DCDC1: variants seen among roughly 807,000 people sequenced by gnomAD.
The protein encoded by DCDC1 is doublecortin domain containing 1.
Under a neutral mutation model 178.3 loss-of-function variants are expected in DCDC1, and 200 were observed. The ratio of observed to expected loss-of-function variants is 1.12; its 90% CI spans 1.00 to 1.26. The LOEUF (loss-of-function observed/expected upper bound fraction) is 1.26, where lower values mean the gene tolerates loss of function less well. Among genes scored for constraint, DCDC1 ranks in the 50% most tolerant of loss-of-function variants. The pLI is 0.00. For synonymous variants in DCDC1, 690 were observed against 604.8 expected (o/e 1.14, Z -2.07); for missense variants, 1,983 against 1,749.2 (o/e 1.13, Z -2.38).
chr11:31,120,339 G>GT (rs1450544244), intron 11 of DCDC1, among the ~76,000 whole-genome samples: 3 of 152,082 alleles, frequency 2.0e-5, no homozygotes. Context: ...CATGGTCAGA[G>GT]TGGATTTAAG....
At chr11:31,165,549 G>C (rs748461060) in intron 9 of DCDC1, among the ~76,000 whole-genome samples, 1 of 152,152 alleles carries the variant, frequency 6.6e-6, no homozygotes, top group East Asian at 1.9e-4. Flanking sequence ...AGCCTCAAGC[G>C]ACCCTCCCAC....
intron 1 of DCDC1, among the ~76,000 whole-genome samples, chr11:31,363,496 C>T (rs1951808168): frequency 6.6e-6 from 1 of 152,096 alleles, no homozygotes; most frequent in Admixed American, 6.6e-5. Context: ...TTAATAAAGT[C>T]AAACTTCTAT....
intron 38 of DCDC1, among the ~76,000 whole-genome samples, chr11:30,868,880 T>G (rs1205259302): frequency 1.3e-5 from 2 of 152,228 alleles, no homozygotes; most frequent in Non-Finnish European, 2.9e-5. Context: ...ACTTTGTGAT[T>G]TATGGAATGA....
At chr11:30,894,627 A>G (rs1460780705) in intron 34 of DCDC1, among the ~76,000 whole-genome samples, 1 of 152,196 alleles carries the variant, frequency 6.6e-6, no homozygotes, top group Non-Finnish European at 1.5e-5. Flanking sequence ...GACGAAGATA[A>G]CATGCTGATT....
In DCDC1 at chr11:31,091,442, C is replaced by G. The variant is rs1238381006; in HGVS notation, c.2188G>C (p.Ala730Pro). ...LAIGHPIRVKAAEGTSLEGYK... is the reference protein window; with the variant it reads ...LAIGHPIRVKPAEGTSLEGYK... The stretch of plus-strand genomic sequence containing the variant: ...CCTTCTAGTGATGTTCCCTCAGCAG[C>G]CTTGACTCTGATAGGATGACCAATA... Residue 730 changes from alanine to proline, a missense_variant, in exon 17 of 39, where the codon GCT (alanine) becomes CCT (proline). Ala to Pro is a conservative substitution (Grantham distance 27). Transcript: ENST00000684477. 2 of 761,888 alleles carry G rather than the reference C, an allele frequency of 2.6e-6. No homozygotes were observed. The highest frequency in any genetic ancestry group is 4.8e-6 in the Non-Finnish European group (2 of 415,800). The allele number at this position is 761,888 out of a possible 1,614,324, so 47.2% of individuals were successfully genotyped here.
intron 20 of DCDC1, among the ~76,000 whole-genome samples, chr11:30,980,105 G>GATA (rs1333165370): frequency 9.9e-5 from 15 of 152,120 alleles, no homozygotes; most frequent in African/African-American, 3.6e-4. Flanking sequence ...ATTTCTACTA[G>GATA]GCTGTAATCT....
intron 20 of DCDC1, among the ~76,000 whole-genome samples, chr11:31,013,980 C>A (rs1400847432): frequency 6.6e-6 from 1 of 152,182 alleles, no homozygotes; most frequent in African/African-American, 2.4e-5. Flanking sequence ...AAGATCCCTG[C>A]CTCCTGGCAT....
chr11:30,911,591 TAG>T (rs1382212310), intron 27 of DCDC1, among the ~76,000 whole-genome samples, 171 bp from the exon 28 acceptor site: 4 of 152,296 alleles, frequency 2.6e-5, no homozygotes, highest in East Asian at 1.9e-4. Flanking sequence ...GCTTTCTCAG[TAG>T]AGAGTGCTGG....
intron 20 of DCDC1, among the ~76,000 whole-genome samples, chr11:31,014,673 T>C (rs1419354374): frequency 6.6e-6 from 1 of 152,188 alleles, no homozygotes; most frequent in Non-Finnish European, 1.5e-5. Flanking sequence ...ATGCCAGCCA[T>C]TTTTATTCCA....
At chr11:30,914,452 T>C (rs1945676982) in intron 27 of DCDC1, among the ~76,000 whole-genome samples, 2 of 152,110 alleles carry the variant, frequency 1.3e-5, no homozygotes, top group African/African-American at 4.8e-5. Flanking sequence ...CTCAGCTCTT[T>C]CCCAGAAAAA....
At chr11:30,973,291 T>A (rs1295004377) in intron 20 of DCDC1, among the ~76,000 whole-genome samples, 14 of 110,096 alleles carry the variant, frequency 1.3e-4, no homozygotes, top group Non-Finnish European at 1.8e-4. Context: ...AAAAAAAAAA[T>A]GTAGCATCTC....
At chr11:30,876,815 A>G (rs1376760922) in intron 38 of DCDC1, among the ~76,000 whole-genome samples, 2 of 152,146 alleles carry the variant, frequency 1.3e-5, no homozygotes, top group Admixed American at 6.6e-5. Flanking sequence ...AAAATTGTCT[A>G]TAGAAGGATT....
chr11:30,914,141 A>C (rs954683313), intron 27 of DCDC1, among the ~76,000 whole-genome samples: 4 of 152,242 alleles, frequency 2.6e-5, no homozygotes, highest in Admixed American at 6.5e-5. Context: ...AACCATTCAC[A>C]GAAACAAAAG....
chr11:31,184,577 A>G (rs1403560235), intron 9 of DCDC1, among the ~76,000 whole-genome samples: 1 of 151,698 alleles, frequency 6.6e-6, no homozygotes, highest in Non-Finnish European at 1.5e-5. Flanking sequence ...AATTTACAAG[A>G]AAAAAAACAA....
At chr11:31,362,392 T>A (rs1004931360) in intron 1 of DCDC1, among the ~76,000 whole-genome samples, 1 of 152,212 alleles carries the variant, frequency 6.6e-6, no homozygotes, top group African/African-American at 2.4e-5. Context: ...TGTATCTGAC[T>A]GCCTTTCTCT....
chr11:31,217,137 A>C (rs760073289), intron 9 of DCDC1, among the ~76,000 whole-genome samples: 1 of 152,086 alleles, frequency 6.6e-6, no homozygotes, highest in Non-Finnish European at 1.5e-5. Flanking sequence ...AAAGGGAGGT[A>C]AGAGGCACAC....
At chr11:31,205,805 T>C (rs995360098) in intron 9 of DCDC1, among the ~76,000 whole-genome samples, 1 of 152,196 alleles carries the variant, frequency 6.6e-6, no homozygotes, top group African/African-American at 2.4e-5. Context: ...ATTTTCAATA[T>C]AAGTATGTCC....
intron 1 of DCDC1, among the ~76,000 whole-genome samples, chr11:31,362,483 C>T (rs1049811832): frequency 2.6e-5 from 4 of 152,184 alleles, no homozygotes; most frequent in Non-Finnish European, 4.4e-5. Context: ...TTAATATTCA[C>T]CACCTCTCAT....
Position 31,078,703 on chromosome 11 carries a change from A to G in DCDC1, c.2238-778T>C, listed in dbSNP as rs551914790. On this transcript the variant is annotated intron_variant, in intron 17 of 38. Coordinates refer to ENST00000684477, the MANE Select transcript of DCDC1 (RefSeq NM_001387274.1). ...ACACATTAGTCTTTAGCCTACATCC[A>G]GTTATGTAAAAGAATATGAAGAATT... Among the ~76,000 whole-genome samples, 82 of 152,188 alleles carry G rather than the reference A, an allele frequency of 5.4e-4. 1 individual carries two copies. Among genetic ancestry groups the G allele is most frequent in the Admixed American group, 1.3e-3 (20 of 15,278 alleles).
Sources: gnomAD v4.1 joint callset for allele counts (sites outside exome capture counted in the v4.1 genomes callset) on GRCh38, gnomAD v4.1.1 for gene constraint, MANE v1.5 for transcripts, NCBI Gene and HGNC (gene_info 2026-07-23, HGNC 2026-07-21) for gene names.